IHO1: variants seen among roughly 807,000 people sequenced by gnomAD.
IHO1 encodes the protein interactor of HORMAD1 protein 1.
Under a neutral mutation model 31.0 loss-of-function variants are expected in IHO1, and 13 were observed. The ratio of observed to expected loss-of-function variants is 0.42; its 90% CI spans 0.27 to 0.67. IHO1 has a LOEUF of 0.67. Ranked by LOEUF, IHO1 falls within the 30% of genes least tolerant of loss-of-function variation. IHO1 has a pLI of 0.24. For missense variants in IHO1, 599 were observed against 687.5 expected, an observed-to-expected ratio of 0.87 and a Z score of 1.44; for synonymous variants, 221 against 248.4, an observed-to-expected ratio of 0.89 and a Z score of 1.04.
chr3:49,229,828 C>A (rs1337260892), intron 2 of IHO1, among the ~76,000 whole-genome samples: 1 of 152,126 alleles, frequency 6.6e-6, no homozygotes. Flanking sequence ...ACTATTCAAC[C>A]AATTATAACT....
chr3:49,210,236 G>C (rs1225127179), intron 1 of IHO1, among the ~76,000 whole-genome samples: 4 of 151,534 alleles, frequency 2.6e-5, no homozygotes, highest in African/African-American at 7.3e-5. Context: ...TTTTGACATA[G>C]TTTGAGAGAT....
chr3:49,236,208 C>G (rs1227032584), intron 2 of IHO1, among the ~76,000 whole-genome samples: 1 of 152,082 alleles, frequency 6.6e-6, no homozygotes. Flanking sequence ...GATCCTGTCT[C>G]AAAACAATAA....
chr3:49,191,939 CT>C, the IHO1 span: 1 of 682,008 alleles, frequency 1.5e-6, no homozygotes, highest in Non-Finnish European at 2.5e-6. Context: ...CCTGTTGCCC[CT>C]TTGTCCTTGC....
chr3:49,220,187 T>C (rs1242092764), intron 2 of IHO1, among the ~76,000 whole-genome samples: 3 of 152,216 alleles, frequency 2.0e-5, no homozygotes, highest in African/African-American at 7.2e-5. Flanking sequence ...AGGGAAATAT[T>C]ATAGCTACAT....
chr3:49,220,911 C>A (rs1415517683), intron 2 of IHO1, among the ~76,000 whole-genome samples: 1 of 152,140 alleles, frequency 6.6e-6, no homozygotes, highest in Non-Finnish European at 1.5e-5. Flanking sequence ...GAGTGAGCAG[C>A]AGCAAAAGAA....
At chr3:49,193,045 G>A in the IHO1 span, among the ~76,000 whole-genome samples, 1 of 152,192 alleles carries the variant, frequency 6.6e-6, no homozygotes, top group Non-Finnish European at 1.5e-5. Flanking sequence ...ACTATAAATG[G>A]GCTACAGATA....
At chr3:49,208,407 T>C (rs1342989433) in intron 1 of IHO1, among the ~76,000 whole-genome samples, 1 of 152,212 alleles carries the variant, frequency 6.6e-6, no homozygotes, top group Non-Finnish European at 1.5e-5. Flanking sequence ...TATTGTGAAC[T>C]GCACATGCAA....
chr3:49,247,368 A>T (rs2046707782), intron 6 of IHO1, among the ~76,000 whole-genome samples: 1 of 151,318 alleles, frequency 6.6e-6, no homozygotes, highest in South Asian at 2.1e-4. Context: ...CACCAGTCTC[A>T]TGCAGGTGCA....
At chr3:49,228,235 A>G in intron 2 of IHO1, 3 of 419,478 alleles carry the variant, frequency 7.2e-6, no homozygotes, top group Non-Finnish European at 1.4e-5. Flanking sequence ...TCGGGACCCC[A>G]GAACTGAATG....
intron 2 of IHO1, among the ~76,000 whole-genome samples, chr3:49,234,164 T>TG (rs972433213): frequency 1.5e-5 from 2 of 135,108 alleles, no homozygotes; most frequent in African/African-American, 3.0e-5. Context: ...TTGTTGTTGT[T>TG]TTTTTTTTTT....
At chr3:49,222,355 G>A (rs141540388) in intron 2 of IHO1, among the ~76,000 whole-genome samples, 152 of 152,272 alleles carry the variant, frequency 1.0e-3, no homozygotes, top group Non-Finnish European at 1.7e-3. Context: ...TAGGGGAAGG[G>A]GAGGGGCAAT....
At chr3:49,202,020 CAAGA>C (rs143266436) in intron 1 of IHO1, among the ~76,000 whole-genome samples, 32 of 152,216 alleles carry the variant, frequency 2.1e-4, no homozygotes, top group African/African-American at 7.0e-4. Context: ...ACTCATTAAA[CAAGA>C]AATGTTTTCA....
chr3:49,225,032 C>T (rs2046401843), intron 2 of IHO1, among the ~76,000 whole-genome samples: 2 of 152,156 alleles, frequency 1.3e-5, no homozygotes, highest in African/African-American at 4.8e-5. Flanking sequence ...CGGCCACTGC[C>T]GCAACTACCC....
chr3:49,191,554 G>A, the IHO1 span: 1 of 704,178 alleles, frequency 1.4e-6, no homozygotes. Context: ...ATGGAAGGGG[G>A]CAAAGTGTTA....
intron 2 of IHO1, among the ~76,000 whole-genome samples, chr3:49,223,923 T>C (rs1248783611): frequency 1.3e-5 from 2 of 152,142 alleles, no homozygotes; most frequent in Admixed American, 6.5e-5. Context: ...TAGTGACCTA[T>C]TCTTTGTTCC....
At chr3:49,245,118 A>G in intron 6 of IHO1, 1 of 435,588 alleles carries the variant, frequency 2.3e-6, no homozygotes, top group South Asian at 6.7e-5. Context: ...GAAATACTGT[A>G]GTACCTGCTG....
intron 1 of IHO1, among the ~76,000 whole-genome samples, chr3:49,210,456 G>A (rs1372735167): frequency 1.3e-5 from 2 of 150,138 alleles, no homozygotes; most frequent in Non-Finnish European, 3.0e-5. Flanking sequence ...GGAGTGCAGT[G>A]GCACGATCTT....
intron 2 of IHO1, among the ~76,000 whole-genome samples, chr3:49,214,656 T>TTTTTTTTTTA (rs2046266817): frequency 1.8e-5 from 2 of 108,884 alleles, no homozygotes; most frequent in African/African-American, 3.4e-5. Context: ...TTTTTTTTTT[T>TTTTTTTTTTA]GAGACGGAGT....
chr3:49,251,240 C>T (rs1466152475), intron 6 of IHO1, among the ~76,000 whole-genome samples: 4 of 151,058 alleles, frequency 2.6e-5, no homozygotes, highest in Non-Finnish European at 5.9e-5. Flanking sequence ...CCTGTCTCAG[C>T]CTCCTGAGTA....
Sources: allele counts gnomAD v4.1 joint callset (sites outside exome capture counted in the v4.1 genomes callset), GRCh38; gene constraint gnomAD v4.1.1; transcripts MANE v1.5; gene names NCBI Gene and HGNC (gene_info 2026-07-23, HGNC 2026-07-21).